SUN1: variants seen among roughly 807,000 people sequenced by gnomAD.
SUN1 encodes SUN domain-containing protein 1.
In SUN1, 61 loss-of-function variants were observed where a neutral mutation model predicts 103.2. The ratio of observed to expected loss-of-function variants is 0.59; its 90% CI spans 0.48 to 0.73. The LOEUF is 0.73. Among genes scored for constraint, SUN1 ranks in the 30% least tolerant of loss-of-function variants. SUN1 has a pLI of 0.00. For synonymous variants in SUN1, 490 were observed against 425.7 expected, an observed-to-expected ratio of 1.15 and a Z score of -1.86; for missense variants, 1,052 against 1,034.6, an observed-to-expected ratio of 1.02 and a Z score of -0.23.
chr7:855,626 T>C (rs2128419504), intron 11 of SUN1, among the ~76,000 whole-genome samples: 1 of 152,330 alleles, frequency 6.6e-6, no homozygotes, highest in South Asian at 2.1e-4. Context: ...TTTGGGAATC[T>C]TGGGACCCAC....
intron 1 of SUN1, among the ~76,000 whole-genome samples, chr7:825,252 CAG>C (rs1184575075): frequency 6.6e-6 from 1 of 152,138 alleles, no homozygotes; most frequent in Non-Finnish European, 1.5e-5. Context: ...TCAGTAGAGA[CAG>C]GGTTTCACTG....
At chr7:841,890 T>A (rs1025688681) in intron 2 of SUN1, 56 bp from the exon 3 acceptor site, 1 of 1,565,388 alleles carries the variant, frequency 6.4e-7, no homozygotes, top group Non-Finnish European at 8.7e-7. Context: ...TCAAATGTAA[T>A]CATTTTGTAT....
Position 872,503 on chromosome 7 carries a change from C to T in SUN1, c.2182C>T (p.Leu728Phe). Reference sequence around the variant, plus strand: ...AAATGAGTATCAGGAAGAAGGGCAGCTTCTGGGACAGTTCACGTATGATCA... The same window carrying T: ...AAATGAGTATCAGGAAGAAGGGCAGTTTCTGGGACAGTTCACGTATGATCA... ...LENEYQEEGQLLGQFTYDQDG... is the reference protein window; with the variant it reads ...LENEYQEEGQFLGQFTYDQDG... The change falls in exon 18 of 19, where the codon CTT becomes TTT. Residue 728 changes from leucine to phenylalanine, a missense_variant. By Grantham distance (22) the Leu-to-Phe change is conservative. Around this residue, in one of 2 missense-constraint regions of SUN1, gnomAD observed 206 missense variants for 260.1 expected, o/e 0.79. Transcript: ENST00000401592. 6.2e-7 allele frequency: 1 copy of T among 1,605,534 alleles called. No homozygotes were observed. Among genetic ancestry groups the T allele is most frequent in the Non-Finnish European group, 8.5e-7 (1 of 1,175,962 alleles).
chr7:816,643 A>C (rs776366465), exon 1 of SUN1: 12 of 319,654 alleles, frequency 3.8e-5, no homozygotes, highest in Admixed American at 2.1e-4. Context: ...TGGGCGGCGC[A>C]GACGAGGCCT....
rs555948337 is a variant in SUN1 at position 842,012 on chromosome 7, C to G, written c.333C>G (p.Val111=). ...AFSINHVSRQ[V]TSSGVSHGGT... is the part of the protein sequence containing the mutation. ...GTATCAACCACGTGTCAAGGCAGGT[C>G]ACGTCCTCTGGCGTCAGCCACGGCG... The change falls in exon 3 of 19, where the codon GTC becomes GTG. Residue 111 remains valine, a synonymous_variant. Coordinates refer to ENST00000401592, the MANE Select transcript of SUN1 (RefSeq NM_001130965.3). 1 of 1,614,154 alleles carries G rather than the reference C, an allele frequency of 6.2e-7. No homozygotes were observed. Among genetic ancestry groups the G allele is most frequent in the East Asian group, 2.2e-5 (1 of 44,880 alleles).
Position 867,859 on chromosome 7 carries a change from C to T in SUN1, c.1981-1490C>T, listed in dbSNP as rs764732361. ...TCAGGGAGGTTGCTGTGGTGCCACA[C>T]GGTGGAATGTACCAGCATGCTGGGA... On this transcript the variant is annotated intron_variant, in intron 16 of 18. Coordinates refer to ENST00000401592, the MANE Select transcript of SUN1 (RefSeq NM_001130965.3). Among the ~76,000 whole-genome samples, 6 of 152,276 alleles carry T rather than the reference C, an allele frequency of 3.9e-5. No homozygotes were observed. The East Asian group carries it at 5.8e-4, about 15-fold the overall frequency.
upstream of SUN1, among the ~76,000 whole-genome samples, chr7:831,208 G>C (rs918025390): frequency 1.3e-5 from 2 of 152,036 alleles, no homozygotes; most frequent in African/African-American, 4.8e-5. Context: ...TGGACTTGCC[G>C]AGCCTGTGTC....
intron 1 of SUN1, among the ~76,000 whole-genome samples, chr7:822,401 A>G (rs1181980425): frequency 6.6e-6 from 1 of 152,162 alleles, no homozygotes; most frequent in Non-Finnish European, 1.5e-5. Context: ...TTTGTGCAGA[A>G]TTAAACTGTA....
intron 5 of SUN1, chr7:843,804 T>C: frequency 7.0e-7 from 1 of 1,418,930 alleles, no homozygotes; most frequent in Non-Finnish European, 9.1e-7. Flanking sequence ...AAAACTACAG[T>C]CACTTTCAGA....
chr7:861,433 C>A lies in SUN1; in HGVS notation c.1833C>A (p.Thr611=), dbSNP rs774347766. The A allele has an allele frequency of 6.2e-7, 1 of 1,614,094 alleles. No individual in the cohort carries two copies. The highest frequency in any genetic ancestry group is 1.7e-5 in the Admixed American group (1 of 60,010). Residue 611 remains threonine (T), a synonymous_variant, in exon 15 of 19, where the codon ACC becomes ACA. Transcript: ENST00000401592. The part of the protein sequence containing the change: ...SALKLYSQDK[T]GMVDFALESG... Reference sequence around the variant, plus strand: ...TGAAGCTGTATTCCCAAGATAAGACCGGGATGGTGGACTTTGCTCTGGAAT... The same window carrying A: ...TGAAGCTGTATTCCCAAGATAAGACAGGGATGGTGGACTTTGCTCTGGAAT...
intron 12 of SUN1, among the ~76,000 whole-genome samples, 159 bp downstream of exon 12, chr7:856,560 C>T (rs966347331): frequency 1.3e-5 from 2 of 152,132 alleles, no homozygotes; most frequent in African/African-American, 4.8e-5. Context: ...TGCTGGGCTG[C>T]GTGAGGACAG....
At chr7:852,266 T>C in intron 7 of SUN1, 1 of 605,708 alleles carries the variant, frequency 1.7e-6, no homozygotes, top group Non-Finnish European at 2.9e-6. Flanking sequence ...GTGAGGCAGC[T>C]GGGAGGGCCT....
At chr7:827,408 A>G (rs1309609753) in intron 1 of SUN1, among the ~76,000 whole-genome samples, 1 of 151,584 alleles carries the variant, frequency 6.6e-6, no homozygotes, top group African/African-American at 2.4e-5. Context: ...AGATTAGTAC[A>G]GATATTCTGA....
chr7:849,913 AC>A, intron 5 of SUN1: 1 of 1,590,018 alleles, frequency 6.3e-7, no homozygotes, highest in South Asian at 1.1e-5. Context: ...GCCTGTCACC[AC>A]ACCTGCAGGC....
At chr7:863,876 G>C (rs1834190248) in intron 15 of SUN1, among the ~76,000 whole-genome samples, 1 of 152,232 alleles carries the variant, frequency 6.6e-6, no homozygotes, top group African/African-American at 2.4e-5. Context: ...AGTAAAAATT[G>C]TGTGTCCTAA....
intron 16 of SUN1, among the ~76,000 whole-genome samples, chr7:868,202 TCTC>T (rs1161759606): frequency 7.2e-5 from 11 of 152,206 alleles, no homozygotes; most frequent in African/African-American, 1.4e-4. Context: ...GCGTGCACGG[TCTC>T]CTCCTCCGTT....
chr7:832,416 C>G, upstream of SUN1: 1 of 1,088,790 alleles, frequency 9.2e-7, no homozygotes, highest in South Asian at 1.3e-5. Flanking sequence ...AGTTGAGTTG[C>G]GTGTAGGCAG....
chr7:847,050 C>G (rs2128331012), intron 5 of SUN1, among the ~76,000 whole-genome samples: 1 of 152,340 alleles, frequency 6.6e-6, no homozygotes. Context: ...GGAGGAGATT[C>G]TGGTGCTCCA....
chr7:872,720 C>T (rs1842578232), intron 18 of SUN1, among the ~76,000 whole-genome samples, 158 bp downstream of exon 18: 1 of 152,216 alleles, frequency 6.6e-6, no homozygotes. Flanking sequence ...TGAGCCTTTC[C>T]ATGGCTAATA....
Sources: allele counts gnomAD v4.1 joint callset (sites outside exome capture counted in the v4.1 genomes callset), GRCh38; gene constraint gnomAD v4.1.1; regional missense constraint gnomAD v4.1.1; transcripts MANE v1.5; gene names NCBI Gene and HGNC (gene_info 2026-07-23, HGNC 2026-07-21).